Variants in ILDR1 observed in about 807,000 individuals in gnomAD.
The protein encoded by ILDR1 is immunoglobulin like domain containing receptor 1, also known as immunoglobulin-like domain-containing receptor 1.
ILDR1 carries 56 observed loss-of-function variants against 62.4 expected under a neutral mutation model. The observed-to-expected ratio is 0.90, with a 90% CI of 0.72 to 1.12. The LOEUF is 1.12. ILDR1 is among the 50% of genes most tolerant of loss of function. ILDR1 has a pLI of 0.00. For missense variants in ILDR1, 736 were observed against 710.6 expected, an observed-to-expected ratio of 1.04 and a Z score of -0.41; for synonymous variants, 284 against 277.8, an observed-to-expected ratio of 1.02 and a Z score of -0.22.
At chr3:121,995,213 T>C (rs981977089) in intron 5 of ILDR1, among the ~76,000 whole-genome samples, 2 of 152,210 alleles carry the variant, frequency 1.3e-5, no homozygotes, top group African/African-American at 4.8e-5. Context: ...GAGTGCCTCA[T>C]GTTTCCTAAG....
the ILDR1 span, among the ~76,000 whole-genome samples, chr3:122,046,747 C>T: frequency 5.2e-5 from 7 of 134,202 alleles, no homozygotes; most frequent in African/African-American, 1.4e-4. Context: ...ACTTAGTTCT[C>T]GAGCCTTGGT....
the ILDR1 span, among the ~76,000 whole-genome samples, chr3:122,033,815 T>C: frequency 1.3e-5 from 2 of 152,212 alleles, no homozygotes; most frequent in Non-Finnish European, 2.9e-5. Context: ...TAAATCTGAT[T>C]CTGGATTCTC....
chr3:121,993,842 G>A lies in ILDR1; in HGVS notation c.907C>T (p.Pro303Ser). 1.9e-6 allele frequency: 3 copies of A among 1,614,160 alleles called. No individual in the cohort carries two copies. The highest frequency in any genetic ancestry group is 2.5e-6 in the Non-Finnish European group (3 of 1,180,024). ...CCAAATCTGCCTTTGAGGTCAGGGG[G>A]CAGAGGCTGGGCCAGGTTGAGGTTC... ...LRNLNLAQPL[P>S]PDLKGRFGHP... Residue 303 changes from proline to serine, a missense_variant, in exon 7 of 8, where the codon CCC (proline) becomes TCC (serine). By Grantham distance (74) the Pro-to-Ser change is moderately conservative. Coordinates refer to ENST00000344209, the MANE Select transcript of ILDR1 (RefSeq NM_001199799.2).
intron 3 of ILDR1, among the ~76,000 whole-genome samples, chr3:122,003,885 G>A (rs1225388450): frequency 6.6e-6 from 1 of 152,098 alleles, no homozygotes. Flanking sequence ...GAAACTTTGA[G>A]GTCAGATAAG....
the ILDR1 span, among the ~76,000 whole-genome samples, chr3:122,040,376 T>TA: frequency 2.0e-5 from 3 of 152,024 alleles, no homozygotes; most frequent in South Asian, 6.2e-4. Flanking sequence ...AGAAGTTGCA[T>TA]AAAAAATATC....
At chr3:122,044,502 C>T in the ILDR1 span, among the ~76,000 whole-genome samples, 2 of 149,612 alleles carry the variant, frequency 1.3e-5, no homozygotes, top group Admixed American at 6.6e-5. Context: ...GTACCAGCTC[C>T]TCCTTGTACC....
intron 1 of ILDR1, among the ~76,000 whole-genome samples, chr3:122,008,930 CTTTCTTTT>C (rs1382680618): frequency 4.0e-5 from 6 of 150,380 alleles, no homozygotes; most frequent in African/African-American, 4.9e-5. Flanking sequence ...TTCTTTCTTT[CTTTCTTTT>C]TTTCTTTTTT....
intron 1 of ILDR1, among the ~76,000 whole-genome samples, chr3:122,007,745 G>T (rs552035785): frequency 6.6e-6 from 1 of 152,106 alleles, no homozygotes; most frequent in African/African-American, 2.4e-5. Flanking sequence ...ACCTGCCACT[G>T]CTCCACTCTC....
intron 6 of ILDR1, 103 bp downstream of exon 6, chr3:121,994,079 T>A: frequency 6.7e-7 from 1 of 1,499,210 alleles, no homozygotes; most frequent in Non-Finnish European, 9.0e-7. Context: ...CCCATCTCCA[T>A]CATGAAGATG....
Position 121,987,655 on chromosome 3 carries a change from T to C in ILDR1, c.*712A>G, listed in dbSNP as rs1024710777. ...CATTCCCATGGGAATGTCCCTATAA[T>C]ACTCCATAGATTTCCTTTTCCTGAA... On this transcript the variant is annotated 3_prime_UTR_variant, in exon 8 of 8. Transcript: ENST00000344209. 2 of 156,442 alleles carry C rather than the reference T, an allele frequency of 1.3e-5. No homozygotes were observed. The highest frequency in any genetic ancestry group is 4.8e-5 in the African/African-American group (2 of 41,430). The allele number at this position is 156,442 out of a possible 1,614,324, so 9.7% of individuals were successfully genotyped here. A position where few individuals can be genotyped will look rare whatever the true frequency, so the allele number is the denominator to read the frequency against.
At chr3:121,991,963 T>G (rs962731366) in intron 7 of ILDR1, among the ~76,000 whole-genome samples, 4 of 152,214 alleles carry the variant, frequency 2.6e-5, no homozygotes, top group Admixed American at 6.5e-5. Flanking sequence ...TGCATATACC[T>G]TTGACTATCT....
chr3:122,041,618 T>C, the ILDR1 span, among the ~76,000 whole-genome samples: 75 of 152,224 alleles, frequency 4.9e-4, no homozygotes, highest in Non-Finnish European at 6.3e-4. Context: ...TATAGGTCTT[T>C]TACCTTTTTG....
chr3:122,035,438 T>C, the ILDR1 span, among the ~76,000 whole-genome samples: 5 of 152,192 alleles, frequency 3.3e-5, no homozygotes, highest in East Asian at 7.7e-4. Flanking sequence ...CTGTATGCCT[T>C]TTCCCCAAAA....
chr3:122,020,312 C>T (rs962432972), intron 1 of ILDR1, among the ~76,000 whole-genome samples: 2 of 152,198 alleles, frequency 1.3e-5, no homozygotes, highest in South Asian at 4.1e-4. Flanking sequence ...ATAATAATTG[C>T]TATTTACTGG....
chr3:122,051,498 T>C, the ILDR1 span, among the ~76,000 whole-genome samples: 1 of 152,112 alleles, frequency 6.6e-6, no homozygotes, highest in East Asian at 1.9e-4. Flanking sequence ...TAATATTTTC[T>C]ATCCTTATTG....
intron 1 of ILDR1, among the ~76,000 whole-genome samples, chr3:122,013,773 C>T (rs990191734): frequency 2.0e-5 from 3 of 151,896 alleles, no homozygotes; most frequent in Admixed American, 6.6e-5. Flanking sequence ...GGGTGGGGAG[C>T]GGAATGATGT....
chr3:122,044,971 G>T, the ILDR1 span, among the ~76,000 whole-genome samples: 3 of 148,898 alleles, frequency 2.0e-5, no homozygotes, highest in Admixed American at 6.7e-5. Flanking sequence ...TTTTGAATGT[G>T]TTTGCTCTTG....
the ILDR1 span, among the ~76,000 whole-genome samples, chr3:122,036,943 T>C: frequency 6.6e-6 from 1 of 152,230 alleles, no homozygotes; most frequent in Non-Finnish European, 1.5e-5. Context: ...AAGGTACAGC[T>C]CAGGCCATGG....
At chr3:122,002,001 A>G in intron 3 of ILDR1, 137 bp from the exon 4 acceptor site, 2 of 1,014,032 alleles carry the variant, frequency 2.0e-6, no homozygotes, top group Non-Finnish European at 2.9e-6. Flanking sequence ...TTATCCAGCC[A>G]TGGTGGCATG....
Sources: gnomAD v4.1 joint callset for allele counts (sites outside exome capture counted in the v4.1 genomes callset) on GRCh38, gnomAD v4.1.1 for gene constraint, MANE v1.5 for transcripts, NCBI Gene and HGNC (gene_info 2026-07-23, HGNC 2026-07-21) for gene names.